The following KCNQ4 variants were observed in gnomAD, a reference collection of about 807,000 sequenced individuals.
KCNQ4 encodes potassium voltage-gated channel subfamily KQT member 4.
Under a neutral mutation model 72.6 loss-of-function variants are expected in KCNQ4, and 31 were observed. The observed-to-expected ratio is 0.43, with a 90% confidence interval of 0.32 to 0.58. The LOEUF (loss-of-function observed/expected upper bound fraction) is 0.58, where lower values mean the gene tolerates loss of function less well. Among genes scored for constraint, KCNQ4 ranks in the 20% least tolerant of loss-of-function variants. The probability of loss-of-function intolerance (pLI) is 0.08; values close to 1 mark genes in which losing one functional copy is unlikely to be tolerated. For missense variants in KCNQ4, 869 were observed against 962.6 expected (o/e 0.90, Z 1.29); for synonymous variants, 405 against 403.7 (o/e 1.00, Z -0.04).
At chr1:40,836,039 G>A (rs115203395) in intron 12 of KCNQ4, among the ~76,000 whole-genome samples, 1,708 of 152,050 alleles carry the variant, frequency 0.011, 34 homozygotes, top group African/African-American at 0.039. Context: ...TTGTGCAAAC[G>A]ACTGACAAGA....
At chr1:40,799,436 C>CA (rs1056385789) in intron 1 of KCNQ4, among the ~76,000 whole-genome samples, 3 of 151,830 alleles carry the variant, frequency 2.0e-5, no homozygotes, top group South Asian at 2.1e-4. Context: ...GGCCATGCCC[C>CA]CCCCCTCGCT....
chr1:40,798,362 A>G (rs1192325066), intron 1 of KCNQ4, among the ~76,000 whole-genome samples: 1 of 152,196 alleles, frequency 6.6e-6, no homozygotes, highest in East Asian at 1.9e-4. Context: ...CTCGAGCCTT[A>G]GCTCGAGGTC....
At position 40,839,886 on chromosome 1, in the gene KCNQ4, TCTCCC is replaced by T. The variant is rs1648926590; in HGVS notation, c.*1369_*1373del. 1 of 152,188 alleles carries T rather than the reference TCTCCC, an allele frequency of 6.6e-6. No individual in the cohort carries two copies. The highest frequency in any genetic ancestry group is 2.4e-5 in the African/African-American group (1 of 41,408). 9.4% of individuals were successfully genotyped at this position (152,188 alleles called of 1,614,324 possible). A position where few individuals can be genotyped will look rare whatever the true frequency, so the allele number is the denominator to read the frequency against. ...GCGCATCCGGCTTTCACATGCACTG[TCTCCC>T]CTCCCTCCACACCCCACTTCTTCAC... On this transcript the variant is annotated 3_prime_UTR_variant, in exon 14 of 14. Transcript: ENST00000347132.
At chr1:40,812,062 C>G (rs915294821) in intron 1 of KCNQ4, among the ~76,000 whole-genome samples, 4 of 152,180 alleles carry the variant, frequency 2.6e-5, no homozygotes, top group Non-Finnish European at 5.9e-5. Context: ...ATACTGATCT[C>G]TCTTCTGCTG....
chr1:40,812,453 G>A (rs2148313157), intron 1 of KCNQ4, among the ~76,000 whole-genome samples: 1 of 152,184 alleles, frequency 6.6e-6, no homozygotes, highest in Middle Eastern at 3.4e-3. Flanking sequence ...TGTAGAGACA[G>A]CATCTCACAA....
chr1:40,824,063 C>T lies in KCNQ4; in HGVS notation c.1131-34C>T, dbSNP rs1379107319. 3 of 1,548,670 alleles carry T rather than the reference C, an allele frequency of 1.9e-6. No individual in the cohort carries two copies. In the African/African-American group the frequency reaches 4.1e-5, roughly 21 times the overall value. On this transcript the variant is annotated intron_variant, in intron 8 of 13. Transcript: ENST00000347132. ...CTGGGTGAGGGGGGTGGTGCCATGG[C>T]CCTGCCTGCCACTGATGGTGCCCTC... is the stretch of plus-strand genomic sequence containing the variant.
At chr1:40,830,333 G>A (rs1379252293) in intron 9 of KCNQ4, among the ~76,000 whole-genome samples, 2 of 152,144 alleles carry the variant, frequency 1.3e-5, no homozygotes, top group Non-Finnish European at 2.9e-5. Flanking sequence ...AGGCCATCAC[G>A]CTGCACACCT....
chr1:40,820,639 A>T (rs1411634671), intron 7 of KCNQ4, among the ~76,000 whole-genome samples: 1 of 152,218 alleles, frequency 6.6e-6, no homozygotes, highest in Admixed American at 6.5e-5. Flanking sequence ...CAGCACCTTC[A>T]TTCATTCATT....
chr1:40,792,419 A>G (rs1421838773), intron 1 of KCNQ4, among the ~76,000 whole-genome samples: 1 of 152,130 alleles, frequency 6.6e-6, no homozygotes, highest in Admixed American at 6.5e-5. Context: ...TCCTCTCTCC[A>G]TATATCCCTG....
chr1:40,795,574 T>A (rs1647388710), intron 1 of KCNQ4, among the ~76,000 whole-genome samples: 1 of 152,072 alleles, frequency 6.6e-6, no homozygotes, highest in Non-Finnish European at 1.5e-5. Flanking sequence ...GGTTTTACTG[T>A]TCTTATCTTG....
At chr1:40,805,632 G>T (rs902771669) in intron 1 of KCNQ4, among the ~76,000 whole-genome samples, 2 of 127,368 alleles carry the variant, frequency 1.6e-5, no homozygotes, top group African/African-American at 2.9e-5. Context: ...GAGTAAAGGT[G>T]GGGAGGGGAA....
intron 1 of KCNQ4, among the ~76,000 whole-genome samples, chr1:40,796,889 G>A (rs1179963386): frequency 2.0e-5 from 3 of 151,412 alleles, no homozygotes; most frequent in African/African-American, 7.3e-5. Context: ...CTGCACTCCA[G>A]CCTGGATGAC....
intron 8 of KCNQ4, 55 bp from the exon 9 acceptor site, chr1:40,824,042 G>C: frequency 6.5e-7 from 1 of 1,540,122 alleles, no homozygotes; most frequent in South Asian, 1.2e-5. Context: ...TGCCCACTGG[G>C]TGAGGGGGGT....
chr1:40,784,246 C>A lies in KCNQ4; in HGVS notation c.153C>A (p.Pro51=). ...SPRRLGLLGS[P]LPPGAPLPGP... ...GCCGCCTCGGCCTCCTGGGCAGCCCCCTGCCGCCGGGCGCGCCCCTCCCTG... is the reference window on the plus strand; with the variant it reads ...GCCGCCTCGGCCTCCTGGGCAGCCCACTGCCGCCGGGCGCGCCCCTCCCTG... The change falls in exon 1 of 14, where the codon CCC becomes CCA. Residue 51 remains proline (P), a synonymous_variant. Transcript: ENST00000347132. This position sits in a 1 kb window ranked among gnomAD's most constrained non-coding sequence, Gnocchi z 4.1. The A allele has an allele frequency of 1.5e-6, 2 of 1,369,974 alleles. No homozygotes were observed. Among genetic ancestry groups the A allele is most frequent in the South Asian group, 1.7e-5 (1 of 60,238 alleles). The allele number at this position is 1,369,974 out of a possible 1,614,324, so 84.9% of individuals were successfully genotyped here. A position where few individuals can be genotyped will look rare whatever the true frequency, so the allele number is the denominator to read the frequency against.
intron 1 of KCNQ4, among the ~76,000 whole-genome samples, chr1:40,809,712 T>C (rs1647869119): frequency 6.6e-6 from 1 of 152,240 alleles, no homozygotes; most frequent in African/African-American, 2.4e-5. Context: ...TGATCTATTC[T>C]GTGTACTTCC....
chr1:40,825,180 T>C (rs1262676841), intron 9 of KCNQ4, among the ~76,000 whole-genome samples: 1 of 152,150 alleles, frequency 6.6e-6, no homozygotes, highest in Non-Finnish European at 1.5e-5. Context: ...TTGTTTTGTC[T>C]CATCTTCACA....
chr1:40,784,318 C>T lies in KCNQ4; in HGVS notation c.225C>T (p.Ala75=), dbSNP rs1399883305. ...SGSACGQRSS[A]AHKRYRRLQN... ...CCGCCTGCGGCCAGCGCTCCTCGGCCGCGCACAAGCGCTACCGCCGCCTGC... is the reference window on the plus strand; with the variant it reads ...CCGCCTGCGGCCAGCGCTCCTCGGCTGCGCACAAGCGCTACCGCCGCCTGC... The change falls in exon 1 of 14, where the codon GCC becomes GCT. Residue 75 remains alanine, a synonymous_variant. Coordinates refer to ENST00000347132, the MANE Select transcript of KCNQ4 (RefSeq NM_004700.4). This position sits in a 1 kb window ranked among gnomAD's most constrained non-coding sequence, Gnocchi z 4.1. The T allele has an allele frequency of 2.5e-6, 4 of 1,606,556 alleles. No homozygotes were observed. The African/African-American group carries it at 5.3e-5, about 21-fold the overall frequency.
chr1:40,822,351 C>T lies in KCNQ4; in HGVS notation c.1079C>T (p.Ala360Val), dbSNP rs2148322325. ...WRLYSTDMSR[A>V]YLTATWYYYD... ...CTGTACTCCACCGATATGAGCCGGG[C>T]CTACCTGACAGCCACCTGGTACTAC... is the stretch of plus-strand genomic sequence containing the variant. The change falls in exon 8 of 14, where the codon GCC becomes GTC. Residue 360 changes from alanine to valine, a missense_variant. Physicochemically the swap from Ala to Val is moderately conservative, Grantham distance 64. This residue lies in a region of KCNQ4 where 480 missense variants were observed against 501.9 expected (regional missense o/e 0.96). Transcript: ENST00000347132. 7 of 1,613,024 alleles carry T rather than the reference C, an allele frequency of 4.3e-6. No homozygotes were observed. The highest frequency in any genetic ancestry group is 5.1e-6 in the Non-Finnish European group (6 of 1,179,482).
intron 4 of KCNQ4, 60 bp downstream of exon 4, chr1:40,818,740 G>A (rs1054232211): frequency 6.5e-7 from 1 of 1,531,420 alleles, no homozygotes; most frequent in Non-Finnish European, 8.8e-7. Flanking sequence ...GACCAGAGCG[G>A]GCAGGGCGGA....
Sources: gnomAD v4.1 joint callset for allele counts (sites outside exome capture counted in the v4.1 genomes callset) on GRCh38, gnomAD v4.1.1 for gene constraint, gnomAD v4.1.1 regional missense constraint, Gnocchi (gnomAD v3.1) non-coding constraint, MANE v1.5 for transcripts, NCBI Gene and HGNC (gene_info 2026-07-23, HGNC 2026-07-21) for gene names.